DYNC2I1: variants seen among roughly 807,000 people sequenced by gnomAD.
The protein encoded by DYNC2I1 is cytoplasmic dynein 2 intermediate chain 1.
Under a neutral mutation model 133.4 loss-of-function variants are expected in DYNC2I1, and 89 were observed. That is an observed-to-expected ratio of 0.67 (90% CI 0.56 to 0.80). The LOEUF (loss-of-function observed/expected upper bound fraction) is 0.80. Among genes scored for constraint, DYNC2I1 ranks in the 30% least tolerant of loss-of-function variants. The probability of loss-of-function intolerance (pLI) is 0.00; values close to 1 mark genes in which losing one functional copy is unlikely to be tolerated. For missense variants in DYNC2I1, 1,291 were observed against 1,314.5 expected, an observed-to-expected ratio of 0.98 and a Z score of 0.28; for synonymous variants, 504 against 484.3, an observed-to-expected ratio of 1.04 and a Z score of -0.54.
At chr7:158,958,059 C>A (rs936757441), downstream of DYNC2I1, among the ~76,000 whole-genome samples, 1 of 149,274 alleles carries the variant, frequency 6.7e-6, no homozygotes, top group African/African-American at 2.5e-5. Context: ...AGGGTGTGGT[C>A]TGCACCTGCC....
chr7:158,842,491 A>G, the DYNC2I1 span, among the ~76,000 whole-genome samples: 1 of 152,214 alleles, frequency 6.6e-6, no homozygotes, highest in Non-Finnish European at 1.5e-5. Context: ...TGGGCAAGCT[A>G]ATTAGCCTTT....
rs114344356 is a variant in DYNC2I1, at chr7:158,879,582, G to A, written c.574-102G>A. On this transcript the variant is annotated intron_variant, in intron 4 of 24. Coordinates refer to ENST00000407559, the MANE Select transcript of DYNC2I1 (RefSeq NM_018051.5). ...GATTTTCTTCAAATGTTTTTGATCC[G>A]TGGTTGGTTGGATCCGTCGTTGCAG... 5.7e-4 allele frequency: 709 copies of A among 1,250,800 alleles called. 6 individuals carry two copies. The African/African-American group carries it at 9.1e-3, about 16-fold the overall frequency. 77.5% of individuals were successfully genotyped at this position (1,250,800 alleles called of 1,614,324 possible). A position where few individuals can be genotyped will look rare whatever the true frequency, so the allele number is the denominator to read the frequency against.
chr7:158,889,175 G>T (rs1447347617), intron 7 of DYNC2I1, among the ~76,000 whole-genome samples: 6 of 151,170 alleles, frequency 4.0e-5, no homozygotes, highest in African/African-American at 1.5e-4. Context: ...CTGCCTCCCG[G>T]GTTCACGCCA....
chr7:158,866,880 G>A (rs532621757), intron 1 of DYNC2I1, among the ~76,000 whole-genome samples: 1 of 147,574 alleles, frequency 6.8e-6, no homozygotes, highest in Non-Finnish European at 1.5e-5. Flanking sequence ...GCAAGGCTCC[G>A]TCTCAAAAAA....
intron 1 of DYNC2I1, among the ~76,000 whole-genome samples, chr7:158,858,834 TC>T: frequency 1.9e-5 from 1 of 53,392 alleles, no homozygotes; most frequent in Non-Finnish European, 3.3e-5. Flanking sequence ...CCCTCCCCCC[TC>T]CCCTTTCCCC....
downstream of DYNC2I1, among the ~76,000 whole-genome samples, chr7:158,957,840 G>A (rs749296210): frequency 9.9e-5 from 15 of 152,134 alleles, no homozygotes; most frequent in Non-Finnish European, 2.2e-4. Flanking sequence ...GTTTAGCTAC[G>A]TGCTGTATCA....
intron 7 of DYNC2I1, among the ~76,000 whole-genome samples, chr7:158,887,823 T>A (rs1844756737): frequency 6.6e-6 from 1 of 152,178 alleles, no homozygotes; most frequent in African/African-American, 2.4e-5. Context: ...TGTGTTAAGC[T>A]ACCTTGTGAC....
the DYNC2I1 span, among the ~76,000 whole-genome samples, chr7:158,848,653 G>A: frequency 9.9e-5 from 15 of 152,008 alleles, no homozygotes; most frequent in South Asian, 6.2e-4. Context: ...GGCCGGGCGC[G>A]GTGACTCACG....
intron 1 of DYNC2I1, among the ~76,000 whole-genome samples, chr7:158,863,463 C>G (rs113207800): frequency 3.1e-4 from 47 of 151,998 alleles, no homozygotes; most frequent in African/African-American, 1.1e-3. Flanking sequence ...CAGAATGAGA[C>G]TCTTTAAATA....
chr7:158,910,801 G>A (rs1355024193), intron 11 of DYNC2I1, among the ~76,000 whole-genome samples: 2 of 146,510 alleles, frequency 1.4e-5, no homozygotes, highest in African/African-American at 2.6e-5. Context: ...TGCGCAGGGC[G>A]ATTGGCTGTG....
At chr7:158,876,104 C>A (rs1322546357) in intron 3 of DYNC2I1, among the ~76,000 whole-genome samples, 1 of 152,162 alleles carries the variant, frequency 6.6e-6, no homozygotes, top group Non-Finnish European at 1.5e-5. Context: ...ATTGTGCGGG[C>A]TGTACAGGAA....
intron 7 of DYNC2I1, 100 bp from the exon 8 acceptor site, chr7:158,891,165 C>T: frequency 7.6e-7 from 1 of 1,310,360 alleles, no homozygotes; most frequent in South Asian, 1.2e-5. Flanking sequence ...TTGCTGAGGG[C>T]TGGCGGGCTC....
chr7:158,953,322 C>A (rs1163971107), intron 4 of DYNC2I1, among the ~76,000 whole-genome samples: 1 of 152,072 alleles, frequency 6.6e-6, no homozygotes. Flanking sequence ...GCCCTCCTCT[C>A]CTGAATTGAG....
intron 11 of DYNC2I1, among the ~76,000 whole-genome samples, chr7:158,906,662 TAGTC>T (rs1250255798): frequency 2.6e-5 from 4 of 152,110 alleles, no homozygotes; most frequent in African/African-American, 9.7e-5. Context: ...TTCTCCATGT[TAGTC>T]AGGCTGGTCT....
chr7:158,932,609 T>C (rs1850335989), intron 21 of DYNC2I1, among the ~76,000 whole-genome samples: 1 of 152,154 alleles, frequency 6.6e-6, no homozygotes, highest in Non-Finnish European at 1.5e-5. Flanking sequence ...TCAGGAGCCA[T>C]TGCAGCACGT....
chr7:158,905,351 G>A (rs1260838968), intron 10 of DYNC2I1: 3 of 285,760 alleles, frequency 1.0e-5, no homozygotes, highest in Middle Eastern at 1.3e-3. Flanking sequence ...ATGTTGGCCC[G>A]GCTGGTCTGG....
chr7:158,850,964 G>C, the DYNC2I1 span, among the ~76,000 whole-genome samples: 1 of 151,478 alleles, frequency 6.6e-6, no homozygotes, highest in Admixed American at 6.6e-5. Context: ...CTGCTTGGTC[G>C]TGAATGACAG....
Position 158,917,583 on chromosome 7 carries a change from C to T in DYNC2I1, c.1792-1157C>T, listed in dbSNP as rs983552523. ...TCCGCCTCTCGCTAAACACCCCCTG[C>T]CCTCCACACTCCACCCTCCACCTCT... is the stretch of plus-strand genomic sequence containing the variant. On this transcript the variant is annotated intron_variant, in intron 14 of 24. Transcript: ENST00000407559. Among the ~76,000 whole-genome samples, 3 of 131,308 alleles carry T rather than the reference C, an allele frequency of 2.3e-5. 1 individual carries two copies. Among genetic ancestry groups the T allele is most frequent in the Non-Finnish European group, 4.9e-5 (3 of 61,602 alleles). 86.1% of individuals were successfully genotyped at this position (131,308 alleles called of 152,430 possible).
At chr7:158,883,658 C>CTTTTTTT (rs762388455) in intron 5 of DYNC2I1, among the ~76,000 whole-genome samples, 6 of 86,158 alleles carry the variant, frequency 7.0e-5, no homozygotes, top group Admixed American at 1.5e-4. Context: ...CCAGTGACTT[C>CTTTTTTT]TTTTTTTTTT....
Sources: gnomAD v4.1 joint callset for allele counts (sites outside exome capture counted in the v4.1 genomes callset) on GRCh38, gnomAD v4.1.1 for gene constraint, MANE v1.5 for transcripts, NCBI Gene and HGNC (gene_info 2026-07-23, HGNC 2026-07-21) for gene names.